The following VWA8 variants were observed in gnomAD, a reference collection of about 807,000 sequenced individuals.
VWA8 encodes von Willebrand factor A domain containing 8, also known as von Willebrand factor A domain-containing protein 8.
Under a neutral mutation model 241.5 loss-of-function variants are expected in VWA8, and 221 were observed. That is an observed-to-expected ratio of 0.91 (90% CI 0.82 to 1.02). VWA8 has a LOEUF of 1.02. Among genes scored for constraint, VWA8 ranks in the 50% least tolerant of loss-of-function variants. The probability of loss-of-function intolerance (pLI) is 0.00; values close to 1 mark genes in which losing one functional copy is unlikely to be tolerated. For missense variants in VWA8, 2,322 were observed against 2,328.7 expected (o/e 1.00, Z 0.06); for synonymous variants, 852 against 827.1 (o/e 1.03, Z -0.52).
rs76260775 is a variant in VWA8, at chr13:41,600,281, T to C, written c.4986+4887A>G. 3.6e-4 allele frequency among the ~76,000 whole-genome samples: 55 copies of C among 152,232 alleles called. 1 individual carries two copies. Among genetic ancestry groups the C allele is most frequent in the Admixed American group, 3.1e-3 (48 of 15,272 alleles). The stretch of plus-strand genomic sequence containing the variant: ...AATGGTCACCTGGCAAAGACTGAGT[T>C]AGAGATGCCCATAGTCATGCAGCCC... On this transcript the variant is annotated intron_variant, in intron 40 of 44. Coordinates refer to ENST00000379310, the MANE Select transcript of VWA8 (RefSeq NM_015058.2).
intron 37 of VWA8, among the ~76,000 whole-genome samples, chr13:41,658,103 C>T (rs969075275): frequency 2.0e-5 from 3 of 152,210 alleles, no homozygotes; most frequent in Admixed American, 6.5e-5. Context: ...CTAAGCTATA[C>T]AGTGTTTCCT....
At chr13:41,830,493 AT>A in intron 14 of VWA8, 35 bp downstream of exon 14, 1 of 1,495,288 alleles carries the variant, frequency 6.7e-7, no homozygotes, top group Non-Finnish European at 9.3e-7. Context: ...TAACTTAACA[AT>A]AAATTAGCAA....
chr13:41,611,837 T>C (rs1223029419), intron 38 of VWA8, 105 bp from the exon 39 acceptor site: 1 of 1,258,668 alleles, frequency 7.9e-7, no homozygotes, highest in Non-Finnish European at 1.1e-6. Flanking sequence ...TTAATTGTAC[T>C]TAACTAGTAA....
intron 39 of VWA8, 145 bp downstream of exon 39, chr13:41,611,431 G>A (rs529255724): frequency 1.7e-5 from 18 of 1,080,370 alleles, no homozygotes; most frequent in African/African-American, 1.3e-4. Flanking sequence ...CGTTAGGGAC[G>A]GGGATGGCTG....
intron 43 of VWA8, among the ~76,000 whole-genome samples, chr13:41,572,726 C>T (rs1207870934): frequency 1.3e-5 from 2 of 150,730 alleles, no homozygotes; most frequent in Non-Finnish European, 3.0e-5. Context: ...GCTGACCTTC[C>T]CTCCACTATT....
At chr13:41,671,318 G>T (rs566492078) in intron 36 of VWA8, among the ~76,000 whole-genome samples, 171 bp from the exon 37 acceptor site, 5 of 152,094 alleles carry the variant, frequency 3.3e-5, no homozygotes. Flanking sequence ...GATACGCTAT[G>T]AGCAAAAGTT....
Position 41,690,152 on chromosome 13 carries a change from G to A in VWA8, c.3976+14C>T. The A allele has an allele frequency of 6.2e-7, 1 of 1,602,990 alleles. No individual in the cohort carries two copies. Among genetic ancestry groups the A allele is most frequent in the Non-Finnish European group, 8.5e-7 (1 of 1,171,410 alleles). ...CACTCACACAGCCATAAACACAGAT[G>A]ACATAGTATTTACCTTGTGTAACTC... is the stretch of plus-strand genomic sequence containing the variant. On this transcript the variant is annotated intron_variant, in intron 33 of 44. Transcript: ENST00000379310.
At chr13:41,921,910 T>G (rs1281709933) in intron 2 of VWA8, among the ~76,000 whole-genome samples, 1 of 152,218 alleles carries the variant, frequency 6.6e-6, no homozygotes, top group Non-Finnish European at 1.5e-5. Flanking sequence ...CCAATGACTT[T>G]CTTCACAGAA....
intron 2 of VWA8, among the ~76,000 whole-genome samples, chr13:41,936,192 A>G (rs946793470): frequency 1.1e-4 from 16 of 152,162 alleles, no homozygotes; most frequent in African/African-American, 3.6e-4. Context: ...CTATATAGGT[A>G]TTGGACATTA....
At position 41,732,120 on chromosome 13, in the gene VWA8, G is replaced by A. The variant is rs758176351; in HGVS notation, c.2462C>T (p.Ser821Leu). The change falls in exon 22 of 45, where the codon TCG (serine) becomes TTG (leucine). Residue 821 changes from serine (S) to leucine (L), a missense_variant. Coordinates refer to ENST00000379310, the MANE Select transcript of VWA8 (RefSeq NM_015058.2). ...ATATACAATAAGTCCGTCTTTAACC[G>A]AAGGCTGAAGCGTAAGAGTTTGTAC... ...TTVQTLTLQP[S>L]VKDGLIVYED... The A allele has an allele frequency of 1.1e-5, 18 of 1,612,950 alleles. 1 individual carries two copies. Among genetic ancestry groups the A allele is most frequent in the Admixed American group, 3.3e-5 (2 of 59,968 alleles).
At chr13:41,592,353 A>C (rs1405000365) in intron 40 of VWA8, among the ~76,000 whole-genome samples, 2 of 149,126 alleles carry the variant, frequency 1.3e-5, no homozygotes, top group African/African-American at 4.9e-5. Flanking sequence ...GCTTTGGGAG[A>C]TATACCTAAT....
chr13:41,944,132 TAA>T (rs1476140818), intron 2 of VWA8, among the ~76,000 whole-genome samples: 1 of 149,416 alleles, frequency 6.7e-6, no homozygotes, highest in East Asian at 2.0e-4. Flanking sequence ...ATAATAATAA[TAA>T]TAAATAAATA....
At chr13:41,893,775 G>A (rs756057400) in intron 4 of VWA8, among the ~76,000 whole-genome samples, 9 of 152,010 alleles carry the variant, frequency 5.9e-5, no homozygotes, top group East Asian at 1.9e-4. Flanking sequence ...TCCTAGCTAC[G>A]TGGGAGGCTG....
chr13:41,714,587 T>C (rs1205535443), intron 26 of VWA8, among the ~76,000 whole-genome samples: 1 of 151,992 alleles, frequency 6.6e-6, no homozygotes, highest in Non-Finnish European at 1.5e-5. Context: ...AGTATACTTC[T>C]TATATAAGGT....
At chr13:41,642,372 T>A (rs9532904) in intron 37 of VWA8, among the ~76,000 whole-genome samples, 145,460 of 151,920 alleles carry the variant, frequency 0.96, 69,978 homozygotes, top group East Asian at 1. Flanking sequence ...AGCCTGGCCA[T>A]CATAGTGAAA....
chr13:41,803,368 G>T (rs1870044360), intron 17 of VWA8, among the ~76,000 whole-genome samples: 1 of 152,114 alleles, frequency 6.6e-6, no homozygotes, highest in Non-Finnish European at 1.5e-5. Context: ...AGAGATATAT[G>T]ACTGTATTAG....
chr13:41,933,123 A>G (rs1877199544), intron 2 of VWA8, among the ~76,000 whole-genome samples: 1 of 151,982 alleles, frequency 6.6e-6, no homozygotes, highest in African/African-American at 2.4e-5. Flanking sequence ...TAGAACTAAT[A>G]AGCGAGTTTT....
At chr13:41,649,661 TG>T (rs1461932022) in intron 37 of VWA8, among the ~76,000 whole-genome samples, 2 of 150,308 alleles carry the variant, frequency 1.3e-5, no homozygotes, top group East Asian at 1.9e-4. Context: ...GGTTTATTGC[TG>T]GGGGGTGAGG....
intron 42 of VWA8, among the ~76,000 whole-genome samples, chr13:41,585,095 AT>A (rs1408258051): frequency 2.6e-5 from 4 of 152,144 alleles, no homozygotes; most frequent in South Asian, 2.1e-4. Flanking sequence ...AAAAAAAAAA[AT>A]GAAACATCTT....
Sources: allele counts gnomAD v4.1 joint callset (sites outside exome capture counted in the v4.1 genomes callset), GRCh38; gene constraint gnomAD v4.1.1; transcripts MANE v1.5; gene names NCBI Gene and HGNC (gene_info 2026-07-23, HGNC 2026-07-21).